RSRC1: variants seen among roughly 807,000 people sequenced by gnomAD.
RSRC1 encodes the protein arginine and serine rich coiled-coil 1.
A neutral mutation model predicts 49.1 loss-of-function variants in RSRC1; 39 were observed. The observed-to-expected ratio is 0.79, with a 90% CI of 0.61 to 1.04. The LOEUF is 1.04. Ranked by LOEUF, RSRC1 falls within the 50% of genes least tolerant of loss-of-function variation. The pLI is 0.00. For missense variants in RSRC1, 388 were observed against 402.4 expected (o/e 0.96, Z 0.31); for synonymous variants, 143 against 130.8 (o/e 1.09, Z -0.63).
chr3:158,139,893 A>G (rs1716639074), intron 3 of RSRC1, among the ~76,000 whole-genome samples: 1 of 152,128 alleles, frequency 6.6e-6, no homozygotes, highest in South Asian at 2.1e-4. Context: ...TGGCCTCCCA[A>G]AGTGCTTGGA....
At chr3:158,521,482 A>G (rs1711669730) in intron 7 of RSRC1, among the ~76,000 whole-genome samples, 2 of 152,060 alleles carry the variant, frequency 1.3e-5, no homozygotes, top group South Asian at 4.1e-4. Context: ...GTTTTCTTCT[A>G]TGAAATAACA....
At chr3:158,110,988 A>AT (rs200114969) in intron 1 of RSRC1, among the ~76,000 whole-genome samples, 6 of 152,180 alleles carry the variant, frequency 3.9e-5, no homozygotes, top group Non-Finnish European at 7.3e-5. Context: ...ACAAAAAAAT[A>AT]TTTTTTTACA....
In RSRC1 at chr3:158,259,813, C is replaced by A. The variant is rs530516072; in HGVS notation, c.495-38226C>A. Among the ~76,000 whole-genome samples, 3 of 152,248 alleles carry A rather than the reference C, an allele frequency of 2.0e-5. No individual in the cohort carries two copies. In the South Asian group the frequency reaches 6.2e-4, roughly 32 times the overall value. On this transcript the variant is annotated intron_variant, in intron 4 of 9. Transcript: ENST00000611884. ...GCAAGGCAAAGTCCTTTCTGCTCTT[C>A]CTTCCCCTTTTCTCAAGCTAAGGAG...
intron 7 of RSRC1, among the ~76,000 whole-genome samples, chr3:158,506,866 A>ATATATG (rs1739884497): frequency 6.7e-6 from 1 of 149,176 alleles, no homozygotes; most frequent in African/African-American, 2.4e-5. Flanking sequence ...TATATATTTT[A>ATATATG]TATATGTATA....
chr3:158,139,636 CT>C (rs11388130), intron 3 of RSRC1, among the ~76,000 whole-genome samples: 84 of 140,000 alleles, frequency 6.0e-4, no homozygotes, highest in Middle Eastern at 7.3e-3. Flanking sequence ...TCCCATTAGT[CT>C]TTTTTTTTTT....
chr3:158,358,927 T>TACACAC (rs71777898), intron 6 of RSRC1, among the ~76,000 whole-genome samples: 2,424 of 129,032 alleles, frequency 0.019, 77 homozygotes, highest in African/African-American at 0.056. Context: ...CACACAAACA[T>TACACAC]ACACACACAC....
At chr3:158,518,747 A>T (rs938176867) in intron 7 of RSRC1, among the ~76,000 whole-genome samples, 2 of 152,108 alleles carry the variant, frequency 1.3e-5, no homozygotes, top group Admixed American at 1.3e-4. Context: ...GCAGCATTTA[A>T]CTCAACCGAC....
intron 4 of RSRC1, among the ~76,000 whole-genome samples, chr3:158,238,574 C>T (rs960013483): frequency 3.9e-5 from 6 of 152,096 alleles, no homozygotes; most frequent in African/African-American, 1.2e-4. Flanking sequence ...ATATTTACAA[C>T]GATCTGATCT....
intron 6 of RSRC1, among the ~76,000 whole-genome samples, chr3:158,400,091 T>C (rs1412028408): frequency 1.3e-5 from 2 of 152,136 alleles, no homozygotes; most frequent in Admixed American, 6.6e-5. Context: ...ACTGTAGAGT[T>C]ACATACAGTC....
intron 7 of RSRC1, among the ~76,000 whole-genome samples, chr3:158,476,238 G>A (rs1235919006): frequency 6.6e-6 from 1 of 152,158 alleles, no homozygotes; most frequent in South Asian, 2.1e-4. Flanking sequence ...GAGGTTTAAG[G>A]AAAGTAGTAG....
At chr3:158,280,936 C>T (rs1043150555) in intron 4 of RSRC1, among the ~76,000 whole-genome samples, 2 of 152,022 alleles carry the variant, frequency 1.3e-5, no homozygotes, top group Non-Finnish European at 2.9e-5. Flanking sequence ...CATGAGCCAC[C>T]GCGCCTGGCC....
intron 5 of RSRC1, among the ~76,000 whole-genome samples, chr3:158,352,317 A>G (rs962705411): frequency 2.0e-5 from 3 of 152,172 alleles, no homozygotes; most frequent in Non-Finnish European, 2.9e-5. Flanking sequence ...GGTAGTGACT[A>G]TATCTTCAAG....
intron 6 of RSRC1, among the ~76,000 whole-genome samples, chr3:158,451,607 G>A (rs534868616): frequency 2.0e-5 from 3 of 152,098 alleles, no homozygotes; most frequent in Non-Finnish European, 2.9e-5. Context: ...AATCCTAAAT[G>A]TAAATATCCC....
At chr3:158,431,803 C>T (rs1235435810) in intron 6 of RSRC1, among the ~76,000 whole-genome samples, 1 of 151,836 alleles carries the variant, frequency 6.6e-6, no homozygotes, top group Non-Finnish European at 1.5e-5. Flanking sequence ...TCCCCTTATA[C>T]ATTTGTGTTA....
intron 4 of RSRC1, among the ~76,000 whole-genome samples, chr3:158,236,832 T>A (rs1164700480): frequency 6.6e-6 from 1 of 152,184 alleles, no homozygotes; most frequent in Non-Finnish European, 1.5e-5. Context: ...TTGGGGGTTT[T>A]ATAAAAAGAA....
chr3:158,525,418 T>C (rs78048945), intron 7 of RSRC1, among the ~76,000 whole-genome samples: 1,627 of 152,072 alleles, frequency 0.011, 32 homozygotes, highest in African/African-American at 0.037. Context: ...TTGATGAAGA[T>C]GTAGAGCACC....
intron 5 of RSRC1, among the ~76,000 whole-genome samples, chr3:158,339,165 G>A (rs573630374): frequency 5.0e-4 from 76 of 152,002 alleles, no homozygotes; most frequent in Admixed American, 8.5e-4. Context: ...GGTGGCGGGC[G>A]CCTGTAGTCC....
chr3:158,471,226 A>G (rs1351295972), intron 7 of RSRC1, among the ~76,000 whole-genome samples: 1 of 152,184 alleles, frequency 6.6e-6, no homozygotes, highest in Non-Finnish European at 1.5e-5. Context: ...CTGCAGTATG[A>G]TAAGTAGATT....
At chr3:158,132,598 A>G (rs1716110433) in intron 3 of RSRC1, among the ~76,000 whole-genome samples, 1 of 152,202 alleles carries the variant, frequency 6.6e-6, no homozygotes, top group Non-Finnish European at 1.5e-5. Flanking sequence ...CAAGATTGCT[A>G]TTCCATTCAT....
Sources: gnomAD v4.1 joint callset for allele counts (sites outside exome capture counted in the v4.1 genomes callset) on GRCh38, gnomAD v4.1.1 for gene constraint, MANE v1.5 for transcripts, NCBI Gene and HGNC (gene_info 2026-07-23, HGNC 2026-07-21) for gene names.